Variants in HECW2 observed in about 807,000 individuals in gnomAD.
HECW2 encodes E3 ubiquitin-protein ligase HECW2.
HECW2 carries 61 observed loss-of-function variants against 175.2 expected under a neutral mutation model. That is an observed-to-expected ratio of 0.35 (90% confidence interval 0.28 to 0.43). The LOEUF is 0.43. Ranked by LOEUF, HECW2 falls within the 20% of genes least tolerant of loss-of-function variation. The pLI, the probability that HECW2 is intolerant of heterozygous loss-of-function variation, is 1.00. For synonymous variants in HECW2, 671 were observed against 731.0 expected (o/e 0.92, Z 1.32); for missense variants, 1,524 against 2,000.5 (o/e 0.76, Z 4.54).
At position 196,257,848 on chromosome 2, in the gene HECW2, C is replaced by T. The variant is rs552109642; in HGVS notation, c.3394G>A (p.Asp1132Asn). The T allele has an allele frequency of 5.3e-5, 85 of 1,613,812 alleles. 1 individual carries two copies. In the Admixed American group the frequency reaches 9.3e-4, roughly 18 times the overall value. Residue 1132 changes from aspartate (D) to asparagine (N), a missense_variant, in exon 18 of 29, where the codon GAT becomes AAT. By Grantham distance (23) the Asp-to-Asn change is conservative. Transcript: ENST00000644978. ...GTPGLVRLSS[D>N]ADLVMLLSLF... Reference sequence around the variant, plus strand: ...CTCAGCAACATAACAAGGTCTGCATCGCTTGAAAGGCGCACCAATCCTGGA... The same window carrying T: ...CTCAGCAACATAACAAGGTCTGCATTGCTTGAAAGGCGCACCAATCCTGGA...
intron 1 of HECW2, among the ~76,000 whole-genome samples, chr2:196,497,823 G>A (rs1214584280): frequency 1.3e-5 from 2 of 152,242 alleles, no homozygotes; most frequent in African/African-American, 2.4e-5. Context: ...AGAAAGGAAT[G>A]CTGATCACAG....
rs1322435609 is a variant in HECW2, at chr2:196,524,227, T to G, written c.-36+69281A>C. On this transcript the variant is annotated intron_variant, in intron 1 of 28. Transcript: ENST00000644978. Reference sequence around the variant, plus strand: ...TGGGAGAGTGTATGTGTCAAGGAATTTATCCATTTCTTCTAGATTTTCTAG... The same window carrying G: ...TGGGAGAGTGTATGTGTCAAGGAATGTATCCATTTCTTCTAGATTTTCTAG... Among the ~76,000 whole-genome samples, 65 of 138,948 alleles carry G rather than the reference T, an allele frequency of 4.7e-4. No individual in the cohort carries two copies. In the East Asian group the frequency reaches 9.7e-3, roughly 21 times the overall value. 91.2% of individuals were successfully genotyped at this position (138,948 alleles called of 152,430 possible).
At chr2:196,324,692 A>G (rs1575415969) in intron 6 of HECW2, among the ~76,000 whole-genome samples, 1 of 152,022 alleles carries the variant, frequency 6.6e-6, no homozygotes, top group Non-Finnish European at 1.5e-5. Context: ...TTCATTATGA[A>G]TTTTTTGCAT....
chr2:196,244,667 A>T (rs1688583494), intron 19 of HECW2, among the ~76,000 whole-genome samples: 1 of 152,230 alleles, frequency 6.6e-6, no homozygotes, highest in African/African-American at 2.4e-5. Flanking sequence ...GGCCTTAGGG[A>T]GGAAGCTTAA....
intron 2 of HECW2, among the ~76,000 whole-genome samples, chr2:196,378,508 C>T (rs534342707): frequency 5.9e-5 from 9 of 152,194 alleles, no homozygotes; most frequent in South Asian, 4.2e-4. Context: ...TGTTTAAACA[C>T]GAGTTCATAG....
intron 3 of HECW2, 27 bp downstream of exon 3, chr2:196,343,630 G>T: frequency 7.2e-7 from 1 of 1,391,824 alleles, no homozygotes; most frequent in Non-Finnish European, 1.0e-6. Context: ...TCAATAATAA[G>T]TTTATATTTC....
chr2:196,353,157 G>A (rs1217625140), intron 2 of HECW2, among the ~76,000 whole-genome samples: 1 of 151,988 alleles, frequency 6.6e-6, no homozygotes, highest in African/African-American at 2.4e-5. Context: ...CCAAAGGTGT[G>A]GTCAGGATTT....
chr2:196,518,328 T>C (rs1311342703), intron 1 of HECW2, among the ~76,000 whole-genome samples: 1 of 152,124 alleles, frequency 6.6e-6, no homozygotes, highest in Non-Finnish European at 1.5e-5. Context: ...TAATGATGGC[T>C]CACTTTACAA....
chr2:196,543,712 A>G (rs1405542416), intron 1 of HECW2, among the ~76,000 whole-genome samples: 1 of 152,118 alleles, frequency 6.6e-6, no homozygotes, highest in East Asian at 1.9e-4. Flanking sequence ...TGCTGGGTTC[A>G]AGCAATTCTC....
chr2:196,584,639 C>T (rs2125532843), intron 1 of HECW2, among the ~76,000 whole-genome samples: 1 of 151,832 alleles, frequency 6.6e-6, no homozygotes, highest in East Asian at 1.9e-4. Flanking sequence ...TCCATTGCTG[C>T]TTAGCATCCC....
intron 1 of HECW2, among the ~76,000 whole-genome samples, chr2:196,475,288 A>T (rs1037715292): frequency 2.0e-5 from 3 of 150,718 alleles, no homozygotes; most frequent in African/African-American, 7.3e-5. Context: ...AGCTGCAAAT[A>T]ATGGTAGGGA....
chr2:196,276,192 G>A (rs1157676866), intron 15 of HECW2, among the ~76,000 whole-genome samples: 2 of 152,186 alleles, frequency 1.3e-5, no homozygotes, highest in Non-Finnish European at 2.9e-5. Flanking sequence ...TCCCTCTGAT[G>A]GGCAGCACTT....
At chr2:196,212,207 T>TA (rs397778578) in intron 28 of HECW2, among the ~76,000 whole-genome samples, 57 of 151,666 alleles carry the variant, frequency 3.8e-4, no homozygotes, top group Middle Eastern at 3.4e-3. Flanking sequence ...ATTTTTTTTT[T>TA]AATTTTAAGT....
chr2:196,568,603 C>A (rs957354346), intron 1 of HECW2, among the ~76,000 whole-genome samples: 9 of 152,144 alleles, frequency 5.9e-5, no homozygotes, highest in Non-Finnish European at 1.2e-4. Context: ...GTGAAAGCAA[C>A]ATGCATTCAG....
chr2:196,233,913 C>T lies in HECW2; in HGVS notation c.3765-5659G>A, dbSNP rs537291116. On this transcript the variant is annotated intron_variant, in intron 21 of 28. Transcript: ENST00000644978. ...TTATAAGCAGAGACTGAAGAAAACT[C>T]CTTCAGATCTCATCCTCCCTAGTTG... Among the ~76,000 whole-genome samples, 5 of 152,284 alleles carry T rather than the reference C, an allele frequency of 3.3e-5. No individual in the cohort carries two copies. In the South Asian group the frequency reaches 1.0e-3, roughly 32 times the overall value.
chr2:196,222,192 G>C lies in HECW2; in HGVS notation c.4146+19C>G, dbSNP rs781362800. On this transcript the variant is annotated intron_variant, in intron 24 of 28. Coordinates refer to ENST00000644978, the MANE Select transcript of HECW2 (RefSeq NM_001348768.2). ...CTTCAGTTACCACACTTAGGCGCCA[G>C]GTGTGCAGATACACACACCTGCCCA... is the stretch of plus-strand genomic sequence containing the variant. 7 of 1,609,212 alleles carry C rather than the reference G, an allele frequency of 4.3e-6. No homozygotes were observed. The South Asian group carries it at 7.7e-5, about 18-fold the overall frequency.
intron 1 of HECW2, among the ~76,000 whole-genome samples, chr2:196,576,638 C>T (rs919090751): frequency 1.3e-5 from 2 of 151,990 alleles, no homozygotes; most frequent in African/African-American, 2.4e-5. Flanking sequence ...TCTAACATAC[C>T]GCATGATATC....
intron 2 of HECW2, among the ~76,000 whole-genome samples, chr2:196,388,575 C>T (rs1433870663): frequency 1.3e-5 from 2 of 152,092 alleles, no homozygotes; most frequent in Non-Finnish European, 2.9e-5. Context: ...TAGTAGGGCC[C>T]GAATTCAATC....
At chr2:196,473,958 C>A (rs1697319010) in intron 1 of HECW2, among the ~76,000 whole-genome samples, 1 of 152,156 alleles carries the variant, frequency 6.6e-6, no homozygotes, top group African/African-American at 2.4e-5. Flanking sequence ...TTGCCTGATA[C>A]AATGCAGCGA....
Sources: allele counts gnomAD v4.1 joint callset (sites outside exome capture counted in the v4.1 genomes callset), GRCh38; gene constraint gnomAD v4.1.1; transcripts MANE v1.5; gene names NCBI Gene and HGNC (gene_info 2026-07-23, HGNC 2026-07-21).